CADPS2: variants seen among roughly 807,000 people sequenced by gnomAD.
CADPS2 encodes calcium-dependent secretion activator 2.
CADPS2 carries 93 observed loss-of-function variants against 172.5 expected under a neutral mutation model. The ratio of observed to expected loss-of-function variants is 0.54; its 90% CI spans 0.46 to 0.64. The LOEUF is 0.64. Among genes scored for constraint, CADPS2 ranks in the 30% least tolerant of loss-of-function variants. The pLI is 0.00. For missense variants in CADPS2, 1,420 were observed against 1,565.9 expected (o/e 0.91, Z 1.57); for synonymous variants, 546 against 555.2 (o/e 0.98, Z 0.23).
At chr7:122,620,421 T>A (rs2075457047) in intron 5 of CADPS2, among the ~76,000 whole-genome samples, 1 of 152,034 alleles carries the variant, frequency 6.6e-6, no homozygotes, top group South Asian at 2.1e-4. Flanking sequence ...AGATGTCAGG[T>A]GTGTGTGTGT....
intron 28 of CADPS2, among the ~76,000 whole-genome samples, chr7:122,344,022 G>A (rs1334336924): frequency 6.6e-6 from 1 of 152,102 alleles, no homozygotes; most frequent in East Asian, 1.9e-4. Context: ...TTTATTGTAT[G>A]ATAGCCTGAG....
chr7:122,386,795 A>G lies in CADPS2; in HGVS notation c.3312+231T>C, dbSNP rs184380378. On this transcript the variant is annotated intron_variant, in intron 24 of 29. Coordinates refer to ENST00000449022, the MANE Select transcript of CADPS2 (RefSeq NM_017954.11). ...CACAACACTTCAGCTGTTAAAAGCTATATCTAAAATTCATGGCCACTAATG... is the reference window on the plus strand; with the variant it reads ...CACAACACTTCAGCTGTTAAAAGCTGTATCTAAAATTCATGGCCACTAATG... 2.1e-3 allele frequency among the ~76,000 whole-genome samples: 323 copies of G among 152,268 alleles called. 1 individual carries two copies. Among genetic ancestry groups the G allele is most frequent in the African/African-American group, 7.1e-3 (295 of 41,582 alleles).
intron 2 of CADPS2, among the ~76,000 whole-genome samples, chr7:122,735,619 A>G (rs2092096859): frequency 6.6e-6 from 1 of 152,192 alleles, no homozygotes; most frequent in Non-Finnish European, 1.5e-5. Context: ...CACAAAAGTT[A>G]CAATGATAGT....
At chr7:122,774,424 GC>G (rs1194521801) in intron 1 of CADPS2, among the ~76,000 whole-genome samples, 2 of 151,828 alleles carry the variant, frequency 1.3e-5, no homozygotes, top group Non-Finnish European at 2.9e-5. Context: ...GTTAACACAG[GC>G]TTATATTTAG....
At chr7:122,652,810 CT>C (rs1401584498) in intron 3 of CADPS2, among the ~76,000 whole-genome samples, 2 of 151,194 alleles carry the variant, frequency 1.3e-5, no homozygotes, top group African/African-American at 4.9e-5. Context: ...TGTTTTTATT[CT>C]TTTTTATGTT....
intron 17 of CADPS2, among the ~76,000 whole-genome samples, chr7:122,419,143 T>C (rs1000666515): frequency 2.6e-5 from 4 of 152,186 alleles, no homozygotes; most frequent in African/African-American, 7.2e-5. Flanking sequence ...CTTTGGACCA[T>C]GGCAGGTATT....
At chr7:122,700,917 T>G (rs1374830294) in intron 2 of CADPS2, among the ~76,000 whole-genome samples, 1 of 152,122 alleles carries the variant, frequency 6.6e-6, no homozygotes, top group Non-Finnish European at 1.5e-5. Context: ...CAAAGTACTA[T>G]CATCTAAAAT....
intron 22 of CADPS2, among the ~76,000 whole-genome samples, chr7:122,391,065 C>A (rs868283585): frequency 2.6e-5 from 4 of 152,074 alleles, no homozygotes; most frequent in Middle Eastern, 3.4e-3. Flanking sequence ...ATTTAATCAG[C>A]AGTTGTATTT....
intron 9 of CADPS2, among the ~76,000 whole-genome samples, chr7:122,502,745 A>C (rs1294559867): frequency 2.0e-5 from 3 of 152,254 alleles, no homozygotes; most frequent in East Asian, 3.9e-4. Context: ...TTTCATTATT[A>C]TTCTAATTCT....
rs561804640 is a variant in CADPS2 at position 122,657,334 on chromosome 7, G to A, written c.786+5903C>T. Among the ~76,000 whole-genome samples the A allele has an allele frequency of 1.6e-4, 24 of 152,166 alleles. No individual in the cohort carries two copies. In the East Asian group the frequency reaches 1.9e-3, roughly 12 times the overall value. ...TATGAACTTTAAAGTAGTGCTTTCC[G>A]ATTCTGTGAAGAAAGTCATTGGTAG... On this transcript the variant is annotated intron_variant, in intron 3 of 29. Transcript: ENST00000449022.
intron 1 of CADPS2, among the ~76,000 whole-genome samples, chr7:122,834,095 G>A (rs1807483285): frequency 6.6e-6 from 1 of 152,154 alleles, no homozygotes; most frequent in African/African-American, 2.4e-5. Flanking sequence ...CTTATAAACT[G>A]TTCAGGAAGG....
intron 1 of CADPS2, among the ~76,000 whole-genome samples, chr7:122,752,229 T>G (rs1316588700): frequency 6.6e-6 from 1 of 152,192 alleles, no homozygotes; most frequent in African/African-American, 2.4e-5. Flanking sequence ...TAATTTCTCT[T>G]GCACAAAATT....
intron 17 of CADPS2, among the ~76,000 whole-genome samples, chr7:122,430,305 C>T (rs770836630): frequency 1.3e-4 from 20 of 152,182 alleles, no homozygotes; most frequent in Non-Finnish European, 2.2e-4. Flanking sequence ...AGTCCTAAGG[C>T]GCAGTCTCCC....
intron 2 of CADPS2, among the ~76,000 whole-genome samples, chr7:122,720,533 G>C (rs1009976392): frequency 6.6e-6 from 1 of 150,648 alleles, no homozygotes; most frequent in Non-Finnish European, 1.5e-5. Context: ...TGTGTATGCA[G>C]ATATGTATGT....
intron 2 of CADPS2, among the ~76,000 whole-genome samples, chr7:122,726,342 T>C (rs2091081734): frequency 6.6e-6 from 1 of 152,152 alleles, no homozygotes; most frequent in Non-Finnish European, 1.5e-5. Context: ...ACAATGACTG[T>C]CTTAGCTAAT....
At chr7:122,869,362 C>T (rs988475863) in intron 1 of CADPS2, among the ~76,000 whole-genome samples, 3 of 152,054 alleles carry the variant, frequency 2.0e-5, no homozygotes, top group African/African-American at 7.2e-5. Context: ...AAAGGAACTT[C>T]TATAACACTA....
intron 11 of CADPS2, among the ~76,000 whole-genome samples, chr7:122,485,220 T>G: frequency 6.6e-6 from 1 of 152,142 alleles, no homozygotes; most frequent in East Asian, 1.9e-4. Context: ...TCTCCCTCAC[T>G]TTAAATTAAA....
At chr7:122,628,163 A>G (rs978937723) in intron 4 of CADPS2, among the ~76,000 whole-genome samples, 2 of 151,988 alleles carry the variant, frequency 1.3e-5, no homozygotes, top group Non-Finnish European at 2.9e-5. Context: ...TCTCTATTTT[A>G]TTATTTATTT....
At chr7:122,557,247 A>G (rs10228901) in intron 7 of CADPS2, among the ~76,000 whole-genome samples, 1,689 of 152,306 alleles carry the variant, frequency 0.011, 30 homozygotes, top group African/African-American at 0.038. Context: ...CAATTTCGCC[A>G]TGAATGAATA....
Sources: gnomAD v4.1 joint callset for allele counts (sites outside exome capture counted in the v4.1 genomes callset) on GRCh38, gnomAD v4.1.1 for gene constraint, MANE v1.5 for transcripts, NCBI Gene and HGNC (gene_info 2026-07-23, HGNC 2026-07-21) for gene names.